Variants in KCNC2 observed in about 807,000 individuals in gnomAD.
KCNC2 encodes voltage-gated potassium channel KCNC2.
A neutral mutation model predicts 44.5 loss-of-function variants in KCNC2; 21 were observed. The observed-to-expected ratio is 0.47, with a 90% confidence interval of 0.33 to 0.68. The LOEUF (loss-of-function observed/expected upper bound fraction) is 0.68, where lower values mean the gene tolerates loss of function less well. Among genes scored for constraint, KCNC2 ranks in the 30% least tolerant of loss-of-function variants. The pLI is 0.01. For synonymous variants in KCNC2, 391 were observed against 339.1 expected (o/e 1.15, Z -1.68); for missense variants, 589 against 826.2 (o/e 0.71, Z 3.52).
rs772745428 is a variant in KCNC2, at chr12:75,140,834, G to C, written c.687+66463C>G. Among the ~76,000 whole-genome samples the C allele has an allele frequency of 1.8e-4, 27 of 151,036 alleles. No individual in the cohort carries two copies. In the Middle Eastern group the frequency reaches 0.01, roughly 57 times the overall value. On this transcript the variant is annotated intron_variant, in intron 2 of 4. Coordinates refer to ENST00000549446, the MANE Select transcript of KCNC2 (RefSeq NM_139137.4). ...ACTCAGGAAGATGAAAAGAAATTGA[G>C]AGATTTTCTATTTCCTCCAGAACAC...
chr12:75,065,162 CAG>C (rs1435125062), intron 2 of KCNC2, among the ~76,000 whole-genome samples: 1 of 151,916 alleles, frequency 6.6e-6, no homozygotes, highest in Non-Finnish European at 1.5e-5. Context: ...ATTATAAAAA[CAG>C]AAATAAAAAA....
chr12:75,128,037 T>G (rs758884348), intron 2 of KCNC2, among the ~76,000 whole-genome samples: 2 of 152,140 alleles, frequency 1.3e-5, no homozygotes, highest in Non-Finnish European at 2.9e-5. Context: ...AAATCTTCCA[T>G]GTAATAATCA....
chr12:75,071,976 T>C (rs754867775), intron 2 of KCNC2, among the ~76,000 whole-genome samples: 2 of 139,264 alleles, frequency 1.4e-5, no homozygotes, highest in Non-Finnish European at 1.5e-5. Context: ...AGTTAACTCT[T>C]CATAAAAGCG....
At chr12:75,061,975 A>G (rs527448904) in intron 2 of KCNC2, among the ~76,000 whole-genome samples, 53 of 152,230 alleles carry the variant, frequency 3.5e-4, no homozygotes, top group Middle Eastern at 3.4e-3. Flanking sequence ...AGATACCAGT[A>G]GCAATGCTAC....
chr12:75,195,330 A>G (rs549061024), intron 2 of KCNC2, among the ~76,000 whole-genome samples: 2 of 152,140 alleles, frequency 1.3e-5, no homozygotes, highest in Non-Finnish European at 2.9e-5. Flanking sequence ...AGCCTTCTAT[A>G]ATTAGGTAGT....
Position 75,083,562 on chromosome 12 carries a change from C to T in KCNC2, c.688-32245G>A, listed in dbSNP as rs1884695579. Among the ~76,000 whole-genome samples, 6 of 151,926 alleles carry T rather than the reference C, an allele frequency of 3.9e-5. No homozygotes were observed. In the South Asian group the frequency reaches 1.2e-3, roughly 31 times the overall value. On this transcript the variant is annotated intron_variant, in intron 2 of 4. Transcript: ENST00000549446. ...CCTTAAAATGTTTACTAAAAATCTC[C>T]ATCTTAGTTTCTTCACATAAAATTG...
intron 2 of KCNC2, among the ~76,000 whole-genome samples, chr12:75,175,024 G>C (rs1037652916): frequency 6.6e-6 from 1 of 151,908 alleles, no homozygotes; most frequent in Non-Finnish European, 1.5e-5. Flanking sequence ...CAAGGAATCT[G>C]CTTCCTGCCT....
chr12:75,092,293 A>G (rs1027096888), intron 2 of KCNC2, among the ~76,000 whole-genome samples: 2 of 151,676 alleles, frequency 1.3e-5, no homozygotes, highest in African/African-American at 4.8e-5. Flanking sequence ...ATGCAGAAAA[A>G]TTAAAATCCT....
chr12:75,075,323 C>T (rs4019544), intron 2 of KCNC2, among the ~76,000 whole-genome samples: 25,335 of 151,464 alleles, frequency 0.17, 2,537 homozygotes, highest in Admixed American at 0.27. Context: ...CAAGAGATGC[C>T]ATGATTCCTT....
intron 2 of KCNC2, among the ~76,000 whole-genome samples, chr12:75,149,646 T>C (rs537903764): frequency 4.6e-5 from 7 of 151,902 alleles, no homozygotes; most frequent in African/African-American, 1.7e-4. Flanking sequence ...ATACGTTAAA[T>C]AGCCAATGTT....
In KCNC2 at chr12:75,166,864, A is replaced by G. The variant is rs993979630; in HGVS notation, c.687+40433T>C. On this transcript the variant is annotated intron_variant, in intron 2 of 4. Transcript: ENST00000549446. ...ACATATATTGAAAAAGAAGCTCTCA[A>G]ATAAATAACTTTCCACCCTAAGAAT... Among the ~76,000 whole-genome samples the G allele has an allele frequency of 3.3e-5, 5 of 151,394 alleles. No homozygotes were observed. The East Asian group carries it at 7.8e-4, about 24-fold the overall frequency.
In KCNC2 at chr12:75,209,787, G is replaced by A. The variant is rs991351106; in HGVS notation, c.-600C>T. ...TGGAGAAGCTATGTGTACCAACCAG[G>A]TTCACATATTTTTCTTCCGTGAAGC... On this transcript the variant is annotated 5_prime_UTR_variant, in exon 1 of 5. Transcript: ENST00000549446. 1.3e-5 allele frequency: 2 copies of A among 152,028 alleles called. No homozygotes were observed. The highest frequency in any genetic ancestry group is 4.8e-5 in the African/African-American group (2 of 41,350). 9.4% of individuals were successfully genotyped at this position (152,028 alleles called of 1,614,324 possible). A position where few individuals can be genotyped will look rare whatever the true frequency, so the allele number is the denominator to read the frequency against.
intron 2 of KCNC2, among the ~76,000 whole-genome samples, chr12:75,133,472 C>T (rs957135839): frequency 2.0e-4 from 30 of 151,368 alleles, no homozygotes; most frequent in African/African-American, 7.0e-4. Context: ...AATTAGCTAC[C>T]TATAACCAAG....
chr12:75,194,555 G>A (rs1213143875), intron 2 of KCNC2, among the ~76,000 whole-genome samples: 1 of 152,174 alleles, frequency 6.6e-6, no homozygotes, highest in African/African-American at 2.4e-5. Flanking sequence ...GAAGCCTTAG[G>A]AAATTAATAC....
intron 2 of KCNC2, among the ~76,000 whole-genome samples, chr12:75,128,309 A>G (rs1415421922): frequency 6.6e-6 from 1 of 152,160 alleles, no homozygotes; most frequent in African/African-American, 2.4e-5. Flanking sequence ...AGAAGTTTGC[A>G]TTAGCATATG....
chr12:75,169,670 T>C (rs1366009861), intron 2 of KCNC2, among the ~76,000 whole-genome samples: 3 of 151,700 alleles, frequency 2.0e-5, no homozygotes, highest in Non-Finnish European at 3.0e-5. Flanking sequence ...TAAATTACTA[T>C]GATTGTTGTT....
chr12:75,060,242 C>T (rs757574271), intron 2 of KCNC2, among the ~76,000 whole-genome samples: 1 of 152,070 alleles, frequency 6.6e-6, no homozygotes, highest in African/African-American at 2.4e-5. Flanking sequence ...CATTGAATCG[C>T]TGAATCCTGT....
chr12:75,179,518 C>T (rs936817068), intron 2 of KCNC2, among the ~76,000 whole-genome samples: 2 of 151,314 alleles, frequency 1.3e-5, no homozygotes, highest in African/African-American at 2.4e-5. Context: ...ATTTCCGAAA[C>T]CTACTGATGT....
At chr12:75,056,533 T>C (rs923742139) in intron 2 of KCNC2, among the ~76,000 whole-genome samples, 1 of 151,972 alleles carries the variant, frequency 6.6e-6, no homozygotes, top group Non-Finnish European at 1.5e-5. Context: ...TCATGCCTAT[T>C]ATGCTCCTGT....
Sources: allele counts gnomAD v4.1 joint callset (sites outside exome capture counted in the v4.1 genomes callset), GRCh38; gene constraint gnomAD v4.1.1; transcripts MANE v1.5; gene names NCBI Gene and HGNC (gene_info 2026-07-23, HGNC 2026-07-21).